The following LSMEM1 variants were observed in gnomAD, a reference collection of about 807,000 sequenced individuals.
LSMEM1 encodes leucine-rich single-pass membrane protein 1.
Under a neutral mutation model 11.3 loss-of-function variants are expected in LSMEM1, and 10 were observed. That is an observed-to-expected ratio of 0.89 (90% CI 0.55 to 1.50). The LOEUF (loss-of-function observed/expected upper bound fraction) is 1.50, where lower values mean the gene tolerates loss of function less well. Ranked by LOEUF, LSMEM1 falls within the 40% of genes most tolerant of loss-of-function variation. The pLI, the probability that LSMEM1 is intolerant of heterozygous loss-of-function variation, is 0.00. For missense variants in LSMEM1, 151 were observed against 152.9 expected, an observed-to-expected ratio of 0.99 and a Z score of 0.06; for synonymous variants, 65 against 59.3, an observed-to-expected ratio of 1.10 and a Z score of -0.44.
intron 1 of LSMEM1, among the ~76,000 whole-genome samples, chr7:112,481,965 G>C (rs1796040378): frequency 6.6e-6 from 1 of 152,228 alleles, no homozygotes; most frequent in Admixed American, 6.5e-5. Flanking sequence ...GTTGTTCCTA[G>C]ATGCCCTCAT....
At position 112,484,925 on chromosome 7, in the gene LSMEM1, G is replaced by A. The variant is rs748276941; in HGVS notation, c.109G>A (p.Gly37Arg). The change falls in exon 2 of 4, where the codon GGA becomes AGA. Residue 37 changes from glycine (G) to arginine (R), a missense_variant. Gly to Arg is a moderately radical substitution (Grantham distance 125). Transcript: ENST00000312849. ...AAACAAACTAAACCTCTGTCCAGCC[G>A]GATCGCAGCATCTGTTCCGTATGTG... Reference protein sequence around the residue: ...DLNKLNLCPAGSQHLFPLEDK... With the variant: ...DLNKLNLCPARSQHLFPLEDK... The A allele has an allele frequency of 6.0e-5, 96 of 1,613,000 alleles. No individual in the cohort carries two copies. In the Middle Eastern group the frequency reaches 6.7e-3, roughly 113 times the overall value.
In LSMEM1 at chr7:112,490,206, C is replaced by T. The variant is rs10225991; in HGVS notation, c.*257C>T. 4.4e-3 allele frequency: 1,656 copies of T among 372,458 alleles called. 21 individuals carry two copies. The highest frequency in any genetic ancestry group is 0.027 in the South Asian group (447 of 16,540). The allele number at this position is 372,458 out of a possible 1,614,324, so 23.1% of individuals were successfully genotyped here. ...GGCACTTCAACTTTAATGGGGTGGG[C>T]GGCTAGCAGGGAGGAGAATCAACAA... On this transcript the variant is annotated 3_prime_UTR_variant, in exon 4 of 4. Coordinates refer to ENST00000312849, the MANE Select transcript of LSMEM1 (RefSeq NM_182597.3).
In LSMEM1 at chr7:112,490,240, A is replaced by G. The variant is rs1796211774; in HGVS notation, c.*291A>G. On this transcript the variant is annotated 3_prime_UTR_variant, in exon 4 of 4. Coordinates refer to ENST00000312849, the MANE Select transcript of LSMEM1 (RefSeq NM_182597.3). ...GGGAGGAGAATCAACAAAGCAAGAG[A>G]ACTTGACTATGTACGTCCAACTTCT... 1 of 304,898 alleles carries G rather than the reference A, an allele frequency of 3.3e-6. No homozygotes were observed. The highest frequency in any genetic ancestry group is 2.1e-5 in the African/African-American group (1 of 46,784). The allele number at this position is 304,898 out of a possible 1,614,324, so 18.9% of individuals were successfully genotyped here. A position where few individuals can be genotyped will look rare whatever the true frequency, so the allele number is the denominator to read the frequency against.
upstream of LSMEM1, among the ~76,000 whole-genome samples, chr7:112,480,462 G>C (rs1264920919): frequency 6.6e-6 from 1 of 152,208 alleles, no homozygotes; most frequent in Non-Finnish European, 1.5e-5. Context: ...ATGGAAGTGA[G>C]GATGATAAAG....
chr7:112,480,769 T>A, upstream of LSMEM1: 1 of 455,604 alleles, frequency 2.2e-6, no homozygotes, highest in South Asian at 1.6e-5. Context: ...CTGGAAGCAC[T>A]AGGCGTCTGA....
At chr7:112,484,664 A>G (rs1173678904) in intron 1 of LSMEM1, 148 bp from the exon 2 acceptor site, 7 of 740,378 alleles carry the variant, frequency 9.5e-6, no homozygotes, top group Middle Eastern at 3.2e-4. Flanking sequence ...TTTTTTCTGG[A>G]TAAGCCAAGT....
chr7:112,488,208 T>C (rs1407698294), intron 3 of LSMEM1, among the ~76,000 whole-genome samples: 1 of 152,216 alleles, frequency 6.6e-6, no homozygotes, highest in East Asian at 1.9e-4. Context: ...AGCTAACATG[T>C]GTACTATTTT....
rs969754776 is a variant in LSMEM1 at position 112,490,014 on chromosome 7, G to A, written c.*65G>A. On this transcript the variant is annotated 3_prime_UTR_variant, in exon 4 of 4. Transcript: ENST00000312849. ...TTTTTACTTTCCTGGGAGTGTACAG[G>A]GTTAGGAACTGAGAAAGTGCACTTC... The A allele has an allele frequency of 6.6e-6, 10 of 1,518,226 alleles. No individual in the cohort carries two copies. The highest frequency in any genetic ancestry group is 8.8e-6 in the Non-Finnish European group (10 of 1,132,670). 94.0% of individuals were successfully genotyped at this position (1,518,226 alleles called of 1,614,324 possible). A position where few individuals can be genotyped will look rare whatever the true frequency, so the allele number is the denominator to read the frequency against.
intron 3 of LSMEM1, among the ~76,000 whole-genome samples, chr7:112,488,383 G>A (rs973483445): frequency 1.3e-5 from 2 of 152,126 alleles, no homozygotes; most frequent in Admixed American, 6.5e-5. Flanking sequence ...TAATGACGGA[G>A]TTAAACTATT....
intron 2 of LSMEM1, chr7:112,486,478 C>A (rs989013067): frequency 7.5e-6 from 3 of 402,336 alleles, no homozygotes; most frequent in Non-Finnish European, 1.5e-5. Context: ...CAAAGACATT[C>A]CTAAAACAGA....
intron 1 of LSMEM1, among the ~76,000 whole-genome samples, chr7:112,481,954 G>T (rs996717343): frequency 2.0e-5 from 3 of 152,250 alleles, no homozygotes; most frequent in Admixed American, 6.5e-5. Context: ...CAGCCTTGCT[G>T]GTTGTTCCTA....
rs577123709 is a variant in LSMEM1, at chr7:112,490,291, C to G, written c.*342C>G. 3.3e-4 allele frequency: 69 copies of G among 212,206 alleles called. 1 individual carries two copies. Among genetic ancestry groups the G allele is most frequent in the Middle Eastern group, 1.7e-3 (1 of 576 alleles). 13.1% of individuals were successfully genotyped at this position (212,206 alleles called of 1,614,324 possible). A position where few individuals can be genotyped will look rare whatever the true frequency, so the allele number is the denominator to read the frequency against. ...TACAGAAGGAGCTTTGCTACCAGAA[C>G]AAGTTCACTGTGTCAATGAAGTTCA... On this transcript the variant is annotated 3_prime_UTR_variant, in exon 4 of 4. Coordinates refer to ENST00000312849, the MANE Select transcript of LSMEM1 (RefSeq NM_182597.3).
At position 112,485,399 on chromosome 7, in the gene LSMEM1, G is replaced by C. The variant is rs550108339; in HGVS notation, c.127+456G>C. On this transcript the variant is annotated intron_variant, in intron 2 of 3. Coordinates refer to ENST00000312849, the MANE Select transcript of LSMEM1 (RefSeq NM_182597.3). ...GTGCAATTAAGGGTTGGAGAAAGGGGGTGGGGGGAGCAAAATAAAATCTGC... is the reference window on the plus strand; with the variant it reads ...GTGCAATTAAGGGTTGGAGAAAGGGCGTGGGGGGAGCAAAATAAAATCTGC... 3.9e-5 allele frequency among the ~76,000 whole-genome samples: 6 copies of C among 152,190 alleles called. No homozygotes were observed. The East Asian group carries it at 1.2e-3, about 29-fold the overall frequency.
chr7:112,486,026 T>G (rs1796121743), intron 2 of LSMEM1: 1 of 152,562 alleles, frequency 6.6e-6, no homozygotes. Flanking sequence ...AGCTGCATTC[T>G]CAGTTCAACT....
chr7:112,487,547 C>G (rs1796157128), intron 3 of LSMEM1, among the ~76,000 whole-genome samples: 1 of 152,236 alleles, frequency 6.6e-6, no homozygotes, highest in South Asian at 2.1e-4. Context: ...ATAAAGGTGG[C>G]TTCTTTCCAA....
intron 2 of LSMEM1, among the ~76,000 whole-genome samples, chr7:112,485,959 C>T (rs1414452283): frequency 1.3e-5 from 2 of 150,606 alleles, no homozygotes; most frequent in Non-Finnish European, 2.9e-5. Flanking sequence ...TCTTGCAAAA[C>T]GGTGATTAAA....
intron 1 of LSMEM1, among the ~76,000 whole-genome samples, chr7:112,484,333 T>C (rs1405167321): frequency 6.6e-6 from 1 of 152,216 alleles, no homozygotes; most frequent in East Asian, 1.9e-4. Context: ...TAATATTCTC[T>C]TTTTTCAGAA....
At chr7:112,483,765 G>A (rs1356330908) in intron 1 of LSMEM1, among the ~76,000 whole-genome samples, 2 of 152,124 alleles carry the variant, frequency 1.3e-5, no homozygotes, top group African/African-American at 4.8e-5. Context: ...TGTGATCCTG[G>A]GCATTTACCT....
intron 3 of LSMEM1, among the ~76,000 whole-genome samples, 156 bp from the exon 4 acceptor site, chr7:112,489,654 G>C (rs1458255475): frequency 6.6e-6 from 1 of 152,204 alleles, no homozygotes; most frequent in African/African-American, 2.4e-5. Flanking sequence ...GCCTTCACCA[G>C]TTTCTCTACT....
Sources: allele counts gnomAD v4.1 joint callset (sites outside exome capture counted in the v4.1 genomes callset), GRCh38; gene constraint gnomAD v4.1.1; transcripts MANE v1.5; gene names NCBI Gene and HGNC (gene_info 2026-07-23, HGNC 2026-07-21).